ZDHHC2: variants seen among roughly 807,000 people sequenced by gnomAD.
The protein encoded by ZDHHC2 is zDHHC palmitoyltransferase 2, also known as palmitoyltransferase ZDHHC2.
ZDHHC2 carries 51 observed loss-of-function variants against 55.6 expected under a neutral mutation model. That is an observed-to-expected ratio of 0.92 (90% CI 0.73 to 1.16). The LOEUF is 1.16. Among genes scored for constraint, ZDHHC2 ranks in the 50% most tolerant of loss-of-function variants. ZDHHC2 has a pLI of 0.00. For missense variants in ZDHHC2, 491 were observed against 442.4 expected, an observed-to-expected ratio of 1.11 and a Z score of -0.99; for synonymous variants, 199 against 152.9, an observed-to-expected ratio of 1.30 and a Z score of -2.22.
chr8:17,201,948 A>G (rs577259161), intron 6 of ZDHHC2, among the ~76,000 whole-genome samples: 12 of 152,146 alleles, frequency 7.9e-5, no homozygotes, highest in Non-Finnish European at 1.5e-4. Context: ...ACCCACCAGA[A>G]TTCTGGGGAT....
Position 17,190,951 on chromosome 8 carries a change from C to CTTTTTTTTTTTTTT in ZDHHC2, c.253-4538_253-4525dup, listed in dbSNP as rs10601402. 2.5e-4 allele frequency among the ~76,000 whole-genome samples: 13 copies of CTTTTTTTTTTTTTT among 52,760 alleles called. 2 individuals carry two copies. Among genetic ancestry groups the CTTTTTTTTTTTTTT allele is most frequent in the Non-Finnish European group, 3.7e-4 (11 of 29,428 alleles). 34.6% of individuals were successfully genotyped at this position (52,760 alleles called of 152,430 possible). A position where few individuals can be genotyped will look rare whatever the true frequency, so the allele number is the denominator to read the frequency against. On this transcript the variant is annotated intron_variant, in intron 3 of 12. Transcript: ENST00000262096. ...TGTCAAATACTAGGTCTTATTCATT[C>CTTTTTTTTTTTTTT]TTTTTTTTTTTTTTTTTTTTTTTTT...
At chr8:17,209,663 G>T (rs189185647) in intron 8 of ZDHHC2, among the ~76,000 whole-genome samples, 61 of 152,158 alleles carry the variant, frequency 4.0e-4, no homozygotes, top group African/African-American at 1.4e-3. Flanking sequence ...TAGTTTATTT[G>T]CTAGTTTGTA....
intron 1 of ZDHHC2, among the ~76,000 whole-genome samples, chr8:17,179,809 A>G (rs756118822): frequency 2.0e-5 from 3 of 152,168 alleles, no homozygotes; most frequent in Non-Finnish European, 4.4e-5. Context: ...CTTCCTATAT[A>G]CCGTCAGGGC....
At chr8:17,202,118 AAAC>A (rs1212493989) in intron 6 of ZDHHC2, among the ~76,000 whole-genome samples, 2 of 152,374 alleles carry the variant, frequency 1.3e-5, no homozygotes, top group Middle Eastern at 3.4e-3. Context: ...ACACAAATAA[AAAC>A]AAATTATTTG....
intron 2 of ZDHHC2, among the ~76,000 whole-genome samples, chr8:17,185,598 G>A (rs1040596108): frequency 3.9e-5 from 6 of 152,090 alleles, no homozygotes; most frequent in Non-Finnish European, 5.9e-5. Flanking sequence ...TGAGCCCCAG[G>A]GGGCGGAGGT....
chr8:17,217,283 A>G, intron 12 of ZDHHC2, 37 bp downstream of exon 12: 2 of 1,439,544 alleles, frequency 1.4e-6, no homozygotes. Flanking sequence ...TATATTTTTA[A>G]CAGTCTTCTA....
At position 17,195,422 on chromosome 8, in the gene ZDHHC2, C is replaced by A. The variant is rs542834380; in HGVS notation, c.253-82C>A. 45 of 1,437,892 alleles carry A rather than the reference C, an allele frequency of 3.1e-5. No individual in the cohort carries two copies. In the African/African-American group the frequency reaches 5.5e-4, roughly 17 times the overall value. The allele number at this position is 1,437,892 out of a possible 1,614,324, so 89.1% of individuals were successfully genotyped here. On this transcript the variant is annotated intron_variant, in intron 3 of 12. Transcript: ENST00000262096. The stretch of plus-strand genomic sequence containing the variant: ...ATATACCATTAATATTTTATAAATA[C>A]CCTTTTCCGGGTATGGTAGAGAAGA...
intron 1 of ZDHHC2, among the ~76,000 whole-genome samples, chr8:17,171,141 G>C (rs905442371): frequency 1.4e-4 from 22 of 152,172 alleles, no homozygotes; most frequent in Non-Finnish European, 2.5e-4. Flanking sequence ...AATTGGAAAG[G>C]AGGGGGGTGG....
intron 6 of ZDHHC2, among the ~76,000 whole-genome samples, chr8:17,199,539 C>CGTCTTCGTCTTCGTCTTCGTCTTCT (rs1563161263): frequency 5.9e-5 from 4 of 68,028 alleles, no homozygotes; most frequent in African/African-American, 1.5e-4. Flanking sequence ...CTTCTGTCTT[C>CGTCTTCGTCTTCGTCTTCGTCTTCT]GTCTTCTGTC....
intron 10 of ZDHHC2, among the ~76,000 whole-genome samples, chr8:17,213,577 T>A (rs1171202306): frequency 6.6e-6 from 1 of 152,160 alleles, no homozygotes; most frequent in Non-Finnish European, 1.5e-5. Context: ...GTTATAGCTC[T>A]TATTATCACC....
At chr8:17,193,843 C>T (rs36026940) in intron 3 of ZDHHC2, among the ~76,000 whole-genome samples, 14,980 of 152,012 alleles carry the variant, frequency 0.099, 1,018 homozygotes, top group South Asian at 0.23. Flanking sequence ...TAGGTATACA[C>T]GTGCCATGGT....
intron 3 of ZDHHC2, among the ~76,000 whole-genome samples, chr8:17,188,162 T>C (rs573170284): frequency 2.0e-5 from 3 of 152,360 alleles, no homozygotes; most frequent in African/African-American, 7.2e-5. Context: ...CTTTTTGCAA[T>C]GTTTGTCTGG....
At chr8:17,189,026 C>T (rs1780315978) in intron 3 of ZDHHC2, among the ~76,000 whole-genome samples, 1 of 151,870 alleles carries the variant, frequency 6.6e-6, no homozygotes, top group African/African-American at 2.4e-5. Context: ...GCTCCCTGCT[C>T]CCACCCCGGT....
At chr8:17,199,477 T>TCTTCTTCTTCTA (rs1267026233) in intron 6 of ZDHHC2, among the ~76,000 whole-genome samples, 2 of 33,910 alleles carry the variant, frequency 5.9e-5, no homozygotes, top group African/African-American at 1.8e-4. Context: ...TTCTTCTTCT[T>TCTTCTTCTTCTA]CTTCTTCTTC....
intron 6 of ZDHHC2, among the ~76,000 whole-genome samples, chr8:17,199,551 TCG>T (rs1806572082): frequency 1.4e-5 from 2 of 141,688 alleles, no homozygotes; most frequent in East Asian, 2.1e-4. Flanking sequence ...TCTTCTGTCT[TCG>T]TCTTCGTCTT....
At position 17,217,170 on chromosome 8, in the gene ZDHHC2, A is replaced by G. The variant is rs1174450992; in HGVS notation, c.1064-2A>G. On this transcript the variant is annotated splice_acceptor_variant, in intron 11 of 12. Transcript: ENST00000262096. LOFTEE classifies it high-confidence loss of function. ...AATGCTAACTTATGTGCTTTCATTA[A>G]GGTATGAGCAATCCTGCATTAACCA... 3 of 1,610,782 alleles carry G rather than the reference A, an allele frequency of 1.9e-6. No homozygotes were observed. Among genetic ancestry groups the G allele is most frequent in the Non-Finnish European group, 2.5e-6 (3 of 1,178,446 alleles).
At chr8:17,182,577 T>A (rs962214752) in intron 1 of ZDHHC2, among the ~76,000 whole-genome samples, 1 of 152,146 alleles carries the variant, frequency 6.6e-6, no homozygotes, top group Non-Finnish European at 1.5e-5. Flanking sequence ...ATGTGTAAGT[T>A]GTGTACTTTT....
intron 1 of ZDHHC2, among the ~76,000 whole-genome samples, chr8:17,184,321 C>G (rs764458896): frequency 2.6e-5 from 4 of 152,068 alleles, no homozygotes; most frequent in Non-Finnish European, 4.4e-5. Flanking sequence ...AGCATTTGTA[C>G]TTTTAGAAAT....
intron 1 of ZDHHC2, 70 bp downstream of exon 1, chr8:17,156,923 C>A: frequency 7.4e-7 from 1 of 1,354,334 alleles, no homozygotes; most frequent in Non-Finnish European, 9.6e-7. Flanking sequence ...GGACGCTCAG[C>A]CGCTCCTCCG....
Sources: gnomAD v4.1 joint callset for allele counts (sites outside exome capture counted in the v4.1 genomes callset) on GRCh38, gnomAD v4.1.1 for gene constraint, MANE v1.5 for transcripts, NCBI Gene and HGNC (gene_info 2026-07-23, HGNC 2026-07-21) for gene names.